MED13L: variants seen among roughly 807,000 people sequenced by gnomAD.
MED13L encodes the protein mediator of RNA polymerase II transcription subunit 13-like.
A neutral mutation model predicts 220.9 loss-of-function variants in MED13L; 7 were observed. The ratio of observed to expected loss-of-function variants is 0.03; its 90% CI spans 0.02 to 0.06. MED13L has a LOEUF of 0.06. MED13L is among the 10% of genes least tolerant of loss of function. The pLI is 1.00. For missense variants in MED13L, 1,965 were observed against 2,760.5 expected (o/e 0.71, Z 6.46); for synonymous variants, 1,011 against 1,015.2 (o/e 1.00, Z 0.08).
chr12:116,269,848 A>T (rs1873141229), intron 1 of MED13L, among the ~76,000 whole-genome samples: 1 of 152,236 alleles, frequency 6.6e-6, no homozygotes, highest in Non-Finnish European at 1.5e-5. Context: ...AAATATACAT[A>T]GTAAACCAGA....
chr12:115,993,800 C>A (rs1184739341), intron 16 of MED13L, among the ~76,000 whole-genome samples: 1 of 152,126 alleles, frequency 6.6e-6, no homozygotes, highest in Non-Finnish European at 1.5e-5. Context: ...TGATTTTTCC[C>A]ATTTAATAAA....
chr12:116,227,220 A>G (rs1286821874), intron 2 of MED13L, among the ~76,000 whole-genome samples: 1 of 152,184 alleles, frequency 6.6e-6, no homozygotes, highest in African/African-American at 2.4e-5. Flanking sequence ...TTCGCTATTT[A>G]TCTCTGATTT....
rs557480616 is a variant in MED13L, at chr12:115,974,071, G to A, written c.5731+1100C>T. On this transcript the variant is annotated intron_variant, in intron 25 of 30. Coordinates refer to ENST00000281928, the MANE Select transcript of MED13L (RefSeq NM_015335.5). ...AAAAAAAAGTACATGGTCTAATGCAGGGACCAGCAAACTATGATCCACAGG... is the reference window on the plus strand; with the variant it reads ...AAAAAAAAGTACATGGTCTAATGCAAGGACCAGCAAACTATGATCCACAGG... Among the ~76,000 whole-genome samples, 112 of 152,122 alleles carry A rather than the reference G, an allele frequency of 7.4e-4. 1 individual carries two copies. The highest frequency in any genetic ancestry group is 2.6e-3 in the African/African-American group (107 of 41,510).
At chr12:116,171,420 T>C (rs1034636928) in intron 2 of MED13L, among the ~76,000 whole-genome samples, 25 of 152,350 alleles carry the variant, frequency 1.6e-4, no homozygotes, top group African/African-American at 6.0e-4. Flanking sequence ...CTTCTTCTTA[T>C]GGAATAACAT....
chr12:116,045,838 G>A (rs1039435508), intron 4 of MED13L, among the ~76,000 whole-genome samples: 12 of 151,792 alleles, frequency 7.9e-5, no homozygotes, highest in African/African-American at 2.9e-4. Context: ...TGTTTAACCA[G>A]CCTTTCAAAA....
intron 16 of MED13L, among the ~76,000 whole-genome samples, chr12:115,996,052 G>T (rs1878380876): frequency 6.6e-6 from 1 of 151,988 alleles, no homozygotes; most frequent in African/African-American, 2.4e-5. Flanking sequence ...ACCAATAAAG[G>T]AAAGTTTCAA....
chr12:116,143,505 T>A (rs1377086718), intron 2 of MED13L, among the ~76,000 whole-genome samples: 1 of 152,178 alleles, frequency 6.6e-6, no homozygotes, highest in African/African-American at 2.4e-5. Flanking sequence ...CAGAAAGTTG[T>A]TGTGCTACAG....
At chr12:116,180,594 T>G (rs1880447984) in intron 2 of MED13L, among the ~76,000 whole-genome samples, 1 of 152,104 alleles carries the variant, frequency 6.6e-6, no homozygotes, top group Non-Finnish European at 1.5e-5. Context: ...TAACTTGTAG[T>G]GCCACAATTA....
intron 2 of MED13L, among the ~76,000 whole-genome samples, chr12:116,139,255 A>G (rs767452939): frequency 1.2e-4 from 18 of 152,236 alleles, no homozygotes; most frequent in Non-Finnish European, 4.4e-5. Flanking sequence ...ACAGTGTCCT[A>G]TATGTCACTG....
intron 2 of MED13L, among the ~76,000 whole-genome samples, chr12:116,152,687 G>C (rs1878139081): frequency 6.6e-6 from 1 of 152,010 alleles, no homozygotes; most frequent in Non-Finnish European, 1.5e-5. Context: ...AAATTTAGGA[G>C]AAATAATTAA....
Position 116,211,999 on chromosome 12 carries a change from GTTA to G in MED13L, c.310+25466_310+25468del, listed in dbSNP as rs1426041757. On this transcript the variant is annotated intron_variant, in intron 2 of 30. Coordinates refer to ENST00000281928, the MANE Select transcript of MED13L (RefSeq NM_015335.5). ...AAATAATGAAAAAAACATTTTGAAA[GTTA>G]TTAAACTACATATATCACATTTTTT... 2.6e-5 allele frequency among the ~76,000 whole-genome samples: 4 copies of G among 152,238 alleles called. No individual in the cohort carries two copies. The East Asian group carries it at 7.7e-4, about 29-fold the overall frequency.
intron 4 of MED13L, among the ~76,000 whole-genome samples, chr12:116,084,307 T>G (rs1871457227): frequency 6.6e-6 from 1 of 152,186 alleles, no homozygotes; most frequent in Non-Finnish European, 1.5e-5. Flanking sequence ...TGCACGACAG[T>G]ACATATTCAT....
Position 115,986,354 on chromosome 12 carries a change from T to C in MED13L, c.4250A>G (p.Asp1417Gly). ...LLLDPYGGHR[D>G]VAYIVVCPEN... ...TGGACACACCACAATATAGGCAACATCACGGTGGCCCCCATATGGGTCCAA... is the reference window on the plus strand; with the variant it reads ...TGGACACACCACAATATAGGCAACACCACGGTGGCCCCCATATGGGTCCAA... Residue 1417 changes from aspartate to glycine, a missense_variant, in exon 19 of 31, where the codon GAT becomes GGT. By Grantham distance (94) the Asp-to-Gly change is moderately conservative (BLOSUM62 -1). Transcript: ENST00000281928. 10 of 1,614,078 alleles carry C rather than the reference T, an allele frequency of 6.2e-6. No individual in the cohort carries two copies. The highest frequency in any genetic ancestry group is 8.5e-6 in the Non-Finnish European group (10 of 1,180,004).
At chr12:116,102,697 C>CTTTTTTCT in intron 3 of MED13L, among the ~76,000 whole-genome samples, 1 of 73,272 alleles carries the variant, frequency 1.4e-5, no homozygotes, top group South Asian at 5.2e-4. Flanking sequence ...TTTTCTTTTT[C>CTTTTTTCT]TTTTTCTTTT....
intron 2 of MED13L, among the ~76,000 whole-genome samples, chr12:116,200,682 T>C (rs1881954944): frequency 6.6e-6 from 1 of 152,176 alleles, no homozygotes; most frequent in Non-Finnish European, 1.5e-5. Flanking sequence ...GTACACTAAG[T>C]CTATACTAAG....
intron 10 of MED13L, 120 bp from the exon 11 acceptor site, chr12:116,007,756 T>C: frequency 1.2e-6 from 1 of 802,008 alleles, no homozygotes; most frequent in South Asian, 1.7e-5. Context: ...TTTTACAGTT[T>C]ATATTCATGA....
At chr12:115,985,707 C>A (rs1877643435) in intron 19 of MED13L, among the ~76,000 whole-genome samples, 1 of 151,954 alleles carries the variant, frequency 6.6e-6, no homozygotes, top group Non-Finnish European at 1.5e-5. Context: ...AATTATCTGC[C>A]TGGTTTTTAC....
chr12:116,043,781 A>C (rs998984615), intron 4 of MED13L, among the ~76,000 whole-genome samples: 1 of 152,176 alleles, frequency 6.6e-6, no homozygotes, highest in African/African-American at 2.4e-5. Context: ...TCCCAACCTA[A>C]AGCAAATGAC....
At chr12:116,068,873 C>A (rs1870159468) in intron 4 of MED13L, among the ~76,000 whole-genome samples, 1 of 151,862 alleles carries the variant, frequency 6.6e-6, no homozygotes, top group Admixed American at 6.6e-5. Flanking sequence ...GGGGGGCGTG[C>A]ATGTCCCTCA....
Sources: gnomAD v4.1 joint callset for allele counts (sites outside exome capture counted in the v4.1 genomes callset) on GRCh38, gnomAD v4.1.1 for gene constraint, MANE v1.5 for transcripts, NCBI Gene and HGNC (gene_info 2026-07-23, HGNC 2026-07-21) for gene names.